The following ABLIM3 variants were observed in gnomAD, a reference collection of about 807,000 sequenced individuals.
ABLIM3 encodes the protein actin-binding LIM protein 3.
In ABLIM3, 61 loss-of-function variants were observed where a neutral mutation model predicts 109.5. The observed-to-expected ratio is 0.56, with a 90% confidence interval of 0.45 to 0.69. The LOEUF (loss-of-function observed/expected upper bound fraction) is 0.69, where lower values mean the gene tolerates loss of function less well. ABLIM3 is among the 30% of genes least tolerant of loss of function. ABLIM3 has a pLI of 0.00. For synonymous variants in ABLIM3, 300 were observed against 324.8 expected, an observed-to-expected ratio of 0.92 and a Z score of 0.82; for missense variants, 796 against 889.5, an observed-to-expected ratio of 0.89 and a Z score of 1.34.
chr5:149,193,804 A>G (rs942844594), intron 3 of ABLIM3, among the ~76,000 whole-genome samples: 1 of 152,218 alleles, frequency 6.6e-6, no homozygotes, highest in African/African-American at 2.4e-5. Flanking sequence ...TTTCATACAT[A>G]TGGAAACTTG....
chr5:149,152,842 C>A (rs1330816388), intron 2 of ABLIM3, among the ~76,000 whole-genome samples: 1 of 152,076 alleles, frequency 6.6e-6, no homozygotes, highest in Admixed American at 6.5e-5. Flanking sequence ...TTGCATGTGG[C>A]TACTCACAAC....
intron 23 of ABLIM3, among the ~76,000 whole-genome samples, chr5:149,253,774 G>C (rs1754162063): frequency 6.6e-6 from 1 of 152,134 alleles, no homozygotes; most frequent in South Asian, 2.1e-4. Flanking sequence ...TCTGGTGCTG[G>C]AGCACACTCT....
chr5:149,183,702 G>T, intron 3 of ABLIM3, 113 bp downstream of exon 3: 1 of 1,209,050 alleles, frequency 8.3e-7, no homozygotes, highest in Non-Finnish European at 1.1e-6. Flanking sequence ...TATCTATAAA[G>T]ACCTAAAGAG....
rs1431234192 is a variant in ABLIM3 at position 149,199,724 on chromosome 5, G to A, written c.336-592G>A. On this transcript the variant is annotated intron_variant, in intron 4 of 23. Transcript: ENST00000309868. The stretch of plus-strand genomic sequence containing the variant: ...ATAACAGGCATCCCACTGCATGGGC[G>A]AGAACAGCTCAACAGTAGGCGTGGT... Among the ~76,000 whole-genome samples, 7 of 152,234 alleles carry A rather than the reference G, an allele frequency of 4.6e-5. No individual in the cohort carries two copies. The South Asian group carries it at 8.3e-4, about 18-fold the overall frequency.
chr5:149,196,559 C>T (rs1757995891), intron 3 of ABLIM3, among the ~76,000 whole-genome samples: 2 of 152,252 alleles, frequency 1.3e-5, no homozygotes, highest in Admixed American at 1.3e-4. Flanking sequence ...CACCTGGCCT[C>T]TCAGAGGCAA....
chr5:149,231,271 C>G (rs1761832255), intron 9 of ABLIM3, among the ~76,000 whole-genome samples: 1 of 152,132 alleles, frequency 6.6e-6, no homozygotes, highest in Non-Finnish European at 1.5e-5. Context: ...GTCCTGTGTC[C>G]CTCTGAATTA....
intron 2 of ABLIM3, among the ~76,000 whole-genome samples, chr5:149,148,511 C>T (rs1316355567): frequency 2.6e-5 from 4 of 152,222 alleles, no homozygotes; most frequent in Non-Finnish European, 1.5e-5. Flanking sequence ...GAACTCTCAA[C>T]CTATTCCAAG....
In ABLIM3 at chr5:149,198,976, G is replaced by C; in HGVS notation, c.335+574G>C. 2.2e-6 allele frequency: 1 copy of C among 449,462 alleles called. No homozygotes were observed. Among genetic ancestry groups the C allele is most frequent in the Non-Finnish European group, 4.5e-6 (1 of 223,116 alleles). The allele number at this position is 449,462 out of a possible 1,614,324, so 27.8% of individuals were successfully genotyped here. Reference sequence around the variant, plus strand: ...TGCAAAGGCATTAGCTCAGTGATCAGTATGTGAGAGTGTCTGTTTTTATTA... The same window carrying C: ...TGCAAAGGCATTAGCTCAGTGATCACTATGTGAGAGTGTCTGTTTTTATTA... On this transcript the variant is annotated intron_variant, in intron 4 of 23. Transcript: ENST00000309868. This position sits in a 1 kb window ranked among gnomAD's most constrained non-coding sequence, Gnocchi z 4.2.
Position 149,214,386 on chromosome 5 carries a change from C to T in ABLIM3, c.670-2573C>T, listed in dbSNP as rs901799953. ...CAGTTGCCCCAGGCTTAGATTCTATCAGCCGGCACGCCCGGTGGAAAAAAG... is the reference window on the plus strand; with the variant it reads ...CAGTTGCCCCAGGCTTAGATTCTATTAGCCGGCACGCCCGGTGGAAAAAAG... On this transcript the variant is annotated intron_variant, in intron 7 of 23. Transcript: ENST00000309868. Among the ~76,000 whole-genome samples, 12 of 152,228 alleles carry T rather than the reference C, an allele frequency of 7.9e-5. 1 individual carries two copies. Among genetic ancestry groups the T allele is most frequent in the Admixed American group, 5.2e-4 (8 of 15,286 alleles).
intron 5 of ABLIM3, 134 bp downstream of exon 5, chr5:149,200,562 C>T: frequency 1.3e-6 from 1 of 794,096 alleles, no homozygotes; most frequent in South Asian, 1.7e-5. Context: ...CCTCCTGCAT[C>T]ATGACCCCAT....
In ABLIM3 at chr5:149,210,808, A is replaced by G; in HGVS notation, c.658A>G (p.Arg220Gly). The change falls in exon 7 of 24, where the codon AGA becomes GGA. Residue 220 changes from arginine to glycine, a missense_variant. By Grantham distance (125) the Arg-to-Gly change is moderately radical. Coordinates refer to ENST00000309868, the MANE Select transcript of ABLIM3 (RefSeq NM_014945.5). Reference protein sequence around the residue: ...CETCDRYISGRVLEAGGKHYH... With the variant: ...CETCDRYISGGVLEAGGKHYH... The stretch of plus-strand genomic sequence containing the variant: ...GACTTGTGACCGATACATCAGTGGC[A>G]GAGTCTTGGAGGTGAGTGGGTATAA... 2 of 1,614,084 alleles carry G rather than the reference A, an allele frequency of 1.2e-6. No individual in the cohort carries two copies. The highest frequency in any genetic ancestry group is 1.7e-6 in the Non-Finnish European group (2 of 1,179,942).
intron 23 of ABLIM3, among the ~76,000 whole-genome samples, chr5:149,257,372 T>A (rs1370514820): frequency 2.0e-5 from 3 of 151,250 alleles, no homozygotes; most frequent in Non-Finnish European, 2.9e-5. Flanking sequence ...TAATTTTCAC[T>A]GAATCTCCTT....
chr5:149,229,650 G>T (rs1022536030), intron 8 of ABLIM3, among the ~76,000 whole-genome samples: 1 of 152,242 alleles, frequency 6.6e-6, no homozygotes, highest in Admixed American at 6.5e-5. Flanking sequence ...ATGCCATCTG[G>T]ATGCTCAGGA....
At chr5:149,171,940 G>T (rs1398551986) in intron 2 of ABLIM3, among the ~76,000 whole-genome samples, 3 of 152,184 alleles carry the variant, frequency 2.0e-5, no homozygotes, top group Non-Finnish European at 4.4e-5. Flanking sequence ...TTCTATTTCT[G>T]CATTGTCCAC....
At position 149,225,958 on chromosome 5, in the gene ABLIM3, ATGTGTG is replaced by A. The variant is rs372337062; in HGVS notation, c.758-4671_758-4666del. Among the ~76,000 whole-genome samples the A allele has an allele frequency of 2.1e-3, 205 of 97,972 alleles. 3 individuals carry two copies. Among genetic ancestry groups the A allele is most frequent in the African/African-American group, 6.3e-3 (134 of 21,244 alleles). 64.3% of individuals were successfully genotyped at this position (97,972 alleles called of 152,430 possible). A position where few individuals can be genotyped will look rare whatever the true frequency, so the allele number is the denominator to read the frequency against. On this transcript the variant is annotated intron_variant, in intron 8 of 23. Transcript: ENST00000309868. ...ATATATATGTATGTATGTATATAAT[ATGTGTG>A]TGTGTGTGTGTGTGTGTGTATATAT...
In ABLIM3 at chr5:149,186,416, GA is replaced by G. The variant is rs549457393; in HGVS notation, c.151+2837del. 9.4e-3 allele frequency among the ~76,000 whole-genome samples: 1,390 copies of G among 148,614 alleles called. 20 individuals carry two copies. Among genetic ancestry groups the G allele is most frequent in the African/African-American group, 0.031 (1,254 of 40,506 alleles). On this transcript the variant is annotated intron_variant, in intron 3 of 23. Coordinates refer to ENST00000309868, the MANE Select transcript of ABLIM3 (RefSeq NM_014945.5). The stretch of plus-strand genomic sequence containing the variant: ...TGACAAATTGAGACTTCATCTCAAA[GA>G]AAAAAAAAATTATGAAAAATTACTT...
At chr5:149,151,754 G>A (rs1167416371) in intron 2 of ABLIM3, among the ~76,000 whole-genome samples, 1 of 152,204 alleles carries the variant, frequency 6.6e-6, no homozygotes, top group East Asian at 1.9e-4. Context: ...CAACTGTGGT[G>A]TTTCAATAGT....
At chr5:149,193,805 T>C (rs1172767317) in intron 3 of ABLIM3, among the ~76,000 whole-genome samples, 2 of 152,180 alleles carry the variant, frequency 1.3e-5, no homozygotes, top group East Asian at 1.9e-4. Flanking sequence ...TTCATACATA[T>C]GGAAACTTGC....
chr5:149,252,288 A>T, intron 22 of ABLIM3, 80 bp downstream of exon 22: 1 of 1,523,306 alleles, frequency 6.6e-7, no homozygotes, highest in South Asian at 1.2e-5. Context: ...GGATGACAGC[A>T]CTGTCTATGT....
Sources: gnomAD v4.1 joint callset for allele counts (sites outside exome capture counted in the v4.1 genomes callset) on GRCh38, gnomAD v4.1.1 for gene constraint, Gnocchi (gnomAD v3.1) non-coding constraint, MANE v1.5 for transcripts, NCBI Gene and HGNC (gene_info 2026-07-23, HGNC 2026-07-21) for gene names.